The following PDLIM5 variants were observed in gnomAD, a reference collection of about 807,000 sequenced individuals.
PDLIM5 encodes PDZ and LIM domain 5, also known as PDZ and LIM domain protein 5.
A neutral mutation model predicts 64.2 loss-of-function variants in PDLIM5; 34 were observed. The observed-to-expected ratio is 0.53, with a 90% CI of 0.40 to 0.71. PDLIM5 has a LOEUF of 0.71. Among genes scored for constraint, PDLIM5 ranks in the 30% least tolerant of loss-of-function variants. The pLI is 0.00. For synonymous variants in PDLIM5, 253 were observed against 269.1 expected, an observed-to-expected ratio of 0.94 and a Z score of 0.59; for missense variants, 683 against 733.6, an observed-to-expected ratio of 0.93 and a Z score of 0.80.
chr4:94,563,539 T>C (rs1211114298), intron 3 of PDLIM5, among the ~76,000 whole-genome samples: 2 of 152,226 alleles, frequency 1.3e-5, no homozygotes, highest in Admixed American at 6.5e-5. Flanking sequence ...GTTTTCCTAA[T>C]AAGGCTGTGT....
At chr4:94,470,318 T>C (rs1314986270) in intron 2 of PDLIM5, among the ~76,000 whole-genome samples, 2 of 152,112 alleles carry the variant, frequency 1.3e-5, no homozygotes. Flanking sequence ...ATGGCTTCTG[T>C]TTTCCTTTCC....
chr4:94,452,315 G>A (rs149313410), intron 1 of PDLIM5, among the ~76,000 whole-genome samples: 5,706 of 152,250 alleles, frequency 0.037, 131 homozygotes, highest in African/African-American at 0.068. Flanking sequence ...GCCCGGAGGT[G>A]GCGAGGGCCG....
chr4:94,550,753 G>A (rs1009059117), intron 3 of PDLIM5, among the ~76,000 whole-genome samples: 1 of 152,118 alleles, frequency 6.6e-6, no homozygotes, highest in Non-Finnish European at 1.5e-5. Flanking sequence ...TAGTTCTGAT[G>A]TCTGCAATTA....
chr4:94,551,228 G>A (rs933062912), intron 3 of PDLIM5, among the ~76,000 whole-genome samples: 2 of 152,004 alleles, frequency 1.3e-5, no homozygotes, highest in African/African-American at 2.4e-5. Context: ...TCTGTGAAGC[G>A]ATATTATTTA....
At chr4:94,629,184 A>G (rs1739940253) in intron 8 of PDLIM5, among the ~76,000 whole-genome samples, 1 of 152,142 alleles carries the variant, frequency 6.6e-6, no homozygotes, top group African/African-American at 2.4e-5. Context: ...CCCGATCTCT[A>G]TTAAAAATAC....
chr4:94,514,093 T>C (rs1269510223), intron 2 of PDLIM5, among the ~76,000 whole-genome samples: 1 of 151,976 alleles, frequency 6.6e-6, no homozygotes, highest in Non-Finnish European at 1.5e-5. Flanking sequence ...TGGTGAATGA[T>C]CTTTCTAATG....
chr4:94,662,296 TC>T, intron 11 of PDLIM5, 125 bp from the exon 12 acceptor site: 1 of 498,768 alleles, frequency 2.0e-6, no homozygotes, highest in Non-Finnish European at 3.7e-6. Flanking sequence ...CTGAAATTTT[TC>T]AAATTCCTAA....
chr4:94,590,530 T>C (rs13122786), intron 7 of PDLIM5, among the ~76,000 whole-genome samples: 58,436 of 152,038 alleles, frequency 0.38, 12,004 homozygotes, highest in South Asian at 0.65. Flanking sequence ...TGATCTGAGG[T>C]AATTGTGTTA....
At chr4:94,476,352 C>A (rs1475999574) in intron 2 of PDLIM5, among the ~76,000 whole-genome samples, 1 of 151,914 alleles carries the variant, frequency 6.6e-6, no homozygotes, top group South Asian at 2.1e-4. Flanking sequence ...CCTTTTCTCT[C>A]GCTGTCTTTT....
At chr4:94,481,975 G>A (rs1725900339) in intron 2 of PDLIM5, among the ~76,000 whole-genome samples, 1 of 151,984 alleles carries the variant, frequency 6.6e-6, no homozygotes, top group South Asian at 2.1e-4. Flanking sequence ...TGCCTTGTCT[G>A]TGCTGGATTT....
intron 8 of PDLIM5, among the ~76,000 whole-genome samples, chr4:94,622,714 A>C (rs945158343): frequency 1.4e-5 from 2 of 138,940 alleles, no homozygotes; most frequent in African/African-American, 5.5e-5. Context: ...TCTGTCGCCC[A>C]GGCTGGAGTA....
At chr4:94,557,567 C>G (rs1237892907) in intron 3 of PDLIM5, among the ~76,000 whole-genome samples, 1 of 152,124 alleles carries the variant, frequency 6.6e-6, no homozygotes, top group African/African-American at 2.4e-5. Flanking sequence ...TTGTTTGTGT[C>G]TTCTTTTATT....
At chr4:94,543,491 A>G (rs1732012085) in intron 3 of PDLIM5, among the ~76,000 whole-genome samples, 1 of 152,100 alleles carries the variant, frequency 6.6e-6, no homozygotes, top group Admixed American at 6.6e-5. Flanking sequence ...AATATACTAC[A>G]TTGTTGTTAA....
chr4:94,615,019 G>A (rs982272580), intron 7 of PDLIM5, among the ~76,000 whole-genome samples: 2 of 152,188 alleles, frequency 1.3e-5, no homozygotes, highest in Non-Finnish European at 2.9e-5. Flanking sequence ...GGATGTAGAA[G>A]TAAGAATCCT....
intron 2 of PDLIM5, among the ~76,000 whole-genome samples, chr4:94,475,557 A>C (rs554822087): frequency 1.3e-5 from 2 of 152,278 alleles, no homozygotes; most frequent in South Asian, 4.1e-4. Flanking sequence ...TCTTTAAATG[A>C]AAATAAAAAT....
At position 94,523,872 on chromosome 4, in the gene PDLIM5, A is replaced by G. The variant is rs372541276; in HGVS notation, c.245A>G (p.Gln82Arg). The part of the protein sequence containing the change: ...GCTGSLNMTL[Q>R]RASAAPKPEP... ...ACAGGCTCTTTGAATATGACTCTGC[A>G]AAGGTAAGTTGCTTTTTGTTTGTCC... The change falls in exon 3 of 13, where the codon CAA becomes CGA. Residue 82 changes from glutamine (Q) to arginine (R), a missense_variant. Physicochemically the swap from Gln to Arg is conservative, Grantham distance 43 (BLOSUM62 1). Coordinates refer to ENST00000317968, the MANE Select transcript of PDLIM5 (RefSeq NM_006457.5). 3.1e-6 allele frequency: 5 copies of G among 1,610,358 alleles called. No homozygotes were observed. In the African/African-American group the frequency reaches 6.7e-5, roughly 22 times the overall value.
At chr4:94,462,655 A>G (rs953175404) in intron 2 of PDLIM5, among the ~76,000 whole-genome samples, 6 of 152,108 alleles carry the variant, frequency 3.9e-5, no homozygotes, top group Non-Finnish European at 7.4e-5. Context: ...ATGTTTGTAT[A>G]TTTGTATATT....
intron 3 of PDLIM5, among the ~76,000 whole-genome samples, chr4:94,533,887 C>A (rs1053760847): frequency 6.6e-6 from 1 of 152,100 alleles, no homozygotes; most frequent in Non-Finnish European, 1.5e-5. Context: ...CTGACAAAGT[C>A]AGAAAGATAA....
intron 2 of PDLIM5, among the ~76,000 whole-genome samples, chr4:94,475,311 T>C (rs1722269980): frequency 1.3e-5 from 2 of 152,200 alleles, no homozygotes; most frequent in South Asian, 4.1e-4. Flanking sequence ...CTAGAGTTGG[T>C]AGCAGTTTTA....
Sources: allele counts gnomAD v4.1 joint callset (sites outside exome capture counted in the v4.1 genomes callset), GRCh38; gene constraint gnomAD v4.1.1; transcripts MANE v1.5; gene names NCBI Gene and HGNC (gene_info 2026-07-23, HGNC 2026-07-21).